TIGD7: variants seen among roughly 807,000 people sequenced by gnomAD.
The protein encoded by TIGD7 is tigger transposable element derived 7, also known as tigger transposable element-derived protein 7.
A neutral mutation model predicts 24.8 loss-of-function variants in TIGD7; 26 were observed. The ratio of observed to expected loss-of-function variants is 1.05; its 90% CI spans 0.77 to 1.45. The LOEUF (loss-of-function observed/expected upper bound fraction) is 1.45, where lower values mean the gene tolerates loss of function less well. Ranked by LOEUF, TIGD7 falls within the 40% of genes most tolerant of loss-of-function variation. The pLI is 0.00. For missense variants in TIGD7, 679 were observed against 641.6 expected, an observed-to-expected ratio of 1.06 and a Z score of -0.63; for synonymous variants, 221 against 224.1, an observed-to-expected ratio of 0.99 and a Z score of 0.12.
In TIGD7 at chr16:3,300,735, C is replaced by A; in HGVS notation, c.-121G>T. On this transcript the variant is annotated 5_prime_UTR_variant, in exon 2 of 2. An upstream start codon of the reference 5' UTR is lost. Transcript: ENST00000396862. ...AGCTGAAAGCCCCAGAAGGCATGGG[C>A]ATTGTATTGGAGGATAATGGACTGA... 1 of 1,447,438 alleles carries A rather than the reference C, an allele frequency of 6.9e-7. No homozygotes were observed. 89.7% of individuals were successfully genotyped at this position (1,447,438 alleles called of 1,614,324 possible).
chr16:3,303,376 T>G (rs913136526), intron 1 of TIGD7, among the ~76,000 whole-genome samples: 1 of 152,218 alleles, frequency 6.6e-6, no homozygotes, highest in African/African-American at 2.4e-5. Context: ...GTCAATGATA[T>G]CCAAGGGCAC....
chr16:3,300,787 G>T lies in TIGD7; in HGVS notation c.-173C>A. The T allele has an allele frequency of 1.7e-6, 2 of 1,161,476 alleles. No homozygotes were observed. Among genetic ancestry groups the T allele is most frequent in the East Asian group, 2.8e-5 (1 of 35,958 alleles). The allele number at this position is 1,161,476 out of a possible 1,614,324, so 71.9% of individuals were successfully genotyped here. On this transcript the variant is annotated 5_prime_UTR_variant, in exon 2 of 2. Transcript: ENST00000396862. ...GGGGCTAACCATGACTGAAGAGCTA[G>T]TCTAGAGGTGGAGGTCTTATGCACT...
Position 3,299,175 on chromosome 16 carries a change from T to TA in TIGD7, c.1439dup (p.Arg481LysfsTer9). Reference sequence around the variant, plus strand: ...CAAGAAGGTAGTCCAAACTCTCTCTTACAGCAGATAATTTAAATTCAGCAG... The same window carrying TA: ...CAAGAAGGTAGTCCAAACTCTCTCTTAACAGCAGATAATTTAAATTCAGCAG... On this transcript the variant is annotated frameshift_variant, in exon 2 of 2. Coordinates refer to ENST00000396862, the MANE Select transcript of TIGD7 (RefSeq NM_033208.4). LOFTEE classifies it high-confidence loss of function. 6.3e-7 allele frequency: 1 copy of TA among 1,586,678 alleles called. No individual in the cohort carries two copies. The highest frequency in any genetic ancestry group is 8.6e-7 in the Non-Finnish European group (1 of 1,169,206).
At position 3,300,480 on chromosome 16, in the gene TIGD7, A is replaced by C; in HGVS notation, c.135T>G (p.Ile45Met). The C allele has an allele frequency of 6.2e-7, 1 of 1,613,956 alleles. No individual in the cohort carries two copies. Among genetic ancestry groups the C allele is most frequent in the Non-Finnish European group, 8.5e-7 (1 of 1,179,960 alleles). ...CCAGAATTAACTTCTTATTTTTTTT[A>C]ATGTCATAAAATGTTGACTTACTGA... ...FGISKSTFYD[I>M]KKNKKLILDF... Residue 45 changes from isoleucine to methionine, a missense_variant, in exon 2 of 2, where the codon ATT becomes ATG. Transcript: ENST00000396862.
Position 3,300,171 on chromosome 16 carries a change from TGAACTTA to T in TIGD7, c.437_443del (p.Leu146GlnfsTer15). 6.2e-7 allele frequency: 1 copy of T among 1,614,254 alleles called. No homozygotes were observed. The highest frequency in any genetic ancestry group is 8.5e-7 in the Non-Finnish European group (1 of 1,180,046). On this transcript the variant is annotated frameshift_variant, in exon 2 of 2. Coordinates refer to ENST00000396862, the MANE Select transcript of TIGD7 (RefSeq NM_033208.4). LOFTEE classifies it high-confidence loss of function. ...GAAATGGCTCAACATTTTCAGAAACTGAACTTAGGACTTGTTCCCCACATCCTTTTCG... is the reference window on the plus strand; with the variant it reads ...GAAATGGCTCAACATTTTCAGAAACTGGACTTGTTCCCCACATCCTTTTCG...
chr16:3,303,592 A>C lies in TIGD7; in HGVS notation c.-1395-1583T>G, dbSNP rs189375487. 3.0e-3 allele frequency among the ~76,000 whole-genome samples: 452 copies of C among 152,310 alleles called. 2 individuals are homozygous for C. The highest frequency in any genetic ancestry group is 0.01 in the African/African-American group (427 of 41,562). ...AATGAACCTACTTAGACACAAATTC[A>C]AGTGACTTAGGCAGATGCTCATTAT... On this transcript the variant is annotated intron_variant, in intron 1 of 1. Transcript: ENST00000396862.
At chr16:3,304,264 C>T (rs1960043970) in intron 1 of TIGD7, among the ~76,000 whole-genome samples, 1 of 152,208 alleles carries the variant, frequency 6.6e-6, no homozygotes, top group African/African-American at 2.4e-5. Context: ...TAAAAACGTA[C>T]CTAAGATCTC....
rs1959890461 is a variant in TIGD7, at chr16:3,300,029, T to C, written c.586A>G (p.Lys196Glu). The C allele has an allele frequency of 6.2e-7, 1 of 1,614,196 alleles. No individual in the cohort carries two copies. The highest frequency in any genetic ancestry group is 2.2e-5 in the East Asian group (1 of 44,888). The change falls in exon 2 of 2, where the codon AAA becomes GAA. Residue 196 changes from lysine to glutamate, a missense_variant. Coordinates refer to ENST00000396862, the MANE Select transcript of TIGD7 (RefSeq NM_033208.4). Reference sequence around the variant, plus strand: ...TTCTTCCCTGGTAGGCAGATATCTTTCCTACTTGCCTGAGAATTTTCTGGC... The same window carrying C: ...TTCTTCCCTGGTAGGCAGATATCTTCCCTACTTGCCTGAGAATTTTCTGGC... The part of the protein sequence containing the change: ...SMPENSQASR[K>E]DICLPGKKIN...
Position 3,299,873 on chromosome 16 carries a change from T to C in TIGD7, c.742A>G (p.Ile248Val). Reference sequence around the variant, plus strand: ...CAAACATCTTTACTGGGTTTATATATCACAGGCAATGTACTTGTGTCCTCT... The same window carrying C: ...CAAACATCTTTACTGGGTTTATATACCACAGGCAATGTACTTGTGTCCTCT... ...VKEDTSTLPV[I>V]YKPSKDVWFT... The change falls in exon 2 of 2, where the codon ATA becomes GTA. Residue 248 changes from isoleucine (I) to valine (V), a missense_variant. By Grantham distance (29) the Ile-to-Val change is conservative (BLOSUM62 3). Transcript: ENST00000396862. The C allele has an allele frequency of 6.2e-7, 1 of 1,600,444 alleles. No homozygotes were observed. The highest frequency in any genetic ancestry group is 1.3e-5 in the African/African-American group (1 of 74,346).
rs201026387 is a variant in TIGD7 at position 3,299,594 on chromosome 16, G to A, written c.1021C>T (p.Leu341=). ...NQGVILSCKR[L]YRWKQLEESL... is the part of the protein sequence containing the mutation. ...TCTTCAAGTTGCTTCCATCTATACA[G>A]CCGTTTGCAGCTCAAGATCACACCT... Residue 341 remains leucine, a synonymous_variant, in exon 2 of 2, where the codon CTG becomes TTG. Coordinates refer to ENST00000396862, the MANE Select transcript of TIGD7 (RefSeq NM_033208.4). 1.3e-5 allele frequency: 21 copies of A among 1,555,594 alleles called. No homozygotes were observed. Among genetic ancestry groups the A allele is most frequent in the Non-Finnish European group, 1.7e-5 (20 of 1,157,306 alleles).
Position 3,299,314 on chromosome 16 carries a change from A to T in TIGD7, c.1301T>A (p.Leu434Ter). The T allele has an allele frequency of 6.2e-7, 1 of 1,603,136 alleles. No homozygotes were observed. The highest frequency in any genetic ancestry group is 8.5e-7 in the Non-Finnish European group (1 of 1,175,880). ...LEKCGELETK[L>*]DDDRVWLNGD... ...ATTTAACCACACCCTATCATCATCC[A>T]ACTTAGTTTCCAACTCCCCACATTT... Residue 434 changes from leucine (L) to a stop codon, truncating the protein, a stop_gained, in exon 2 of 2, where the codon TTG (leucine) becomes TAG (stop). Coordinates refer to ENST00000396862, the MANE Select transcript of TIGD7 (RefSeq NM_033208.4). LOFTEE classifies it low-confidence loss of function (END_TRUNC).
At position 3,298,937 on chromosome 16, in the gene TIGD7, T is replaced by C. The variant is rs747069192; in HGVS notation, c.*28A>G. On this transcript the variant is annotated 3_prime_UTR_variant, in exon 2 of 2. Transcript: ENST00000396862. The stretch of plus-strand genomic sequence containing the variant: ...CAATTCACAGCTGGCCTACATCATA[T>C]AATGGCAGAAATCTTTAAACACAAA... The C allele has an allele frequency of 2.9e-6, 3 of 1,027,400 alleles. No homozygotes were observed. In the Admixed American group the frequency reaches 9.2e-5, roughly 32 times the overall value. 63.6% of individuals were successfully genotyped at this position (1,027,400 alleles called of 1,614,324 possible). A position where few individuals can be genotyped will look rare whatever the true frequency, so the allele number is the denominator to read the frequency against.
Position 3,300,507 on chromosome 16 carries a change from T to A in TIGD7, c.108A>T (p.Gly36=). Residue 36 remains glycine, a synonymous_variant, in exon 2 of 2, where the codon GGA becomes GGT. Coordinates refer to ENST00000396862, the MANE Select transcript of TIGD7 (RefSeq NM_033208.4). ...TGTCATAAAATGTTGACTTACTGAT[T>A]CCAAATTCATCCATTACACTTTTAA... is the stretch of plus-strand genomic sequence containing the variant. The part of the protein sequence containing the change: ...RSLKSVMDEF[G]ISKSTFYDIK... 1 of 1,614,128 alleles carries A rather than the reference T, an allele frequency of 6.2e-7. No individual in the cohort carries two copies. Among genetic ancestry groups the A allele is most frequent in the Admixed American group, 1.7e-5 (1 of 60,012 alleles).
In TIGD7 at chr16:3,300,289, C is replaced by G. The variant is rs144795499; in HGVS notation, c.326G>C (p.Arg109Thr). ...TGTTCGCCCAAAACACCGTGCAAAT[C>G]TCTCTGCAGCAGCCTGAAGCTCCAC... ...RGVELQAAAERFARCFGRTDF... is the reference protein window; with the variant it reads ...RGVELQAAAETFARCFGRTDF... Residue 109 changes from arginine to threonine, a missense_variant, in exon 2 of 2, where the codon AGA (arginine) becomes ACA (threonine). Physicochemically the swap from Arg to Thr is moderately conservative, Grantham distance 71. Transcript: ENST00000396862. 6.2e-7 allele frequency: 1 copy of G among 1,614,116 alleles called. No homozygotes were observed. The highest frequency in any genetic ancestry group is 8.5e-7 in the Non-Finnish European group (1 of 1,180,054).
chr16:3,304,455 C>T (rs1389852420), intron 1 of TIGD7, among the ~76,000 whole-genome samples: 1 of 152,208 alleles, frequency 6.6e-6, no homozygotes, highest in East Asian at 1.9e-4. Flanking sequence ...TATTCTTACC[C>T]TTGTGTTACT....
chr16:3,300,093 T>G lies in TIGD7; in HGVS notation c.522A>C (p.Leu174=), dbSNP rs1403738066. The G allele has an allele frequency of 6.2e-7, 1 of 1,614,108 alleles. No individual in the cohort carries two copies. Among genetic ancestry groups the G allele is most frequent in the Admixed American group, 1.7e-5 (1 of 59,992 alleles). The stretch of plus-strand genomic sequence containing the variant: ...AGAGGTCTGTTTCATCCCCACTGTA[T>G]AGCTGAGCTAGACACAGTTTCTCCT... ...IKEEKLCLAQ[L]YSGDETDLFW... Residue 174 remains leucine, a synonymous_variant, in exon 2 of 2, where the codon CTA becomes CTC. Transcript: ENST00000396862.
In TIGD7 at chr16:3,299,242, G is replaced by T; in HGVS notation, c.1373C>A (p.Thr458Lys). ...TCCTCCTTTTTGAACAACTTCCTTT[G>T]TTATTCCACCTTTGGTTTTTAGGAG... ...GCLLKTKGGI[T>K]KEVVQKGGEA... Residue 458 changes from threonine to lysine, a missense_variant, in exon 2 of 2, where the codon ACA becomes AAA. Thr to Lys is a moderately conservative substitution (Grantham distance 78, BLOSUM62 -1). Transcript: ENST00000396862. 6.2e-7 allele frequency: 1 copy of T among 1,610,662 alleles called. No homozygotes were observed. Among genetic ancestry groups the T allele is most frequent in the Non-Finnish European group, 8.5e-7 (1 of 1,178,978 alleles).
Position 3,299,139 on chromosome 16 carries a change from A to C in TIGD7, c.1476T>G (p.Asp492Glu). 2.7e-6 allele frequency: 4 copies of C among 1,495,286 alleles called. No homozygotes were observed. The highest frequency in any genetic ancestry group is 3.6e-6 in the Non-Finnish European group (4 of 1,125,732). 92.6% of individuals were successfully genotyped at this position (1,495,286 alleles called of 1,614,324 possible). A position where few individuals can be genotyped will look rare whatever the true frequency, so the allele number is the denominator to read the frequency against. The change falls in exon 2 of 2, where the codon GAT (aspartate) becomes GAG (glutamate). Residue 492 changes from aspartate to glutamate, a missense_variant. Physicochemically the swap from Asp to Glu is conservative, Grantham distance 45 (BLOSUM62 2). Transcript: ENST00000396862. ...GGAATCTCTGAAACTCAGGTGTGGC[A>C]TCAACAAAGTCAAGAAGGTAGTCCA... The part of the protein sequence containing the change: ...ESLDYLLDFV[D>E]ATPEFQRFHF...
At position 3,300,786 on chromosome 16, in the gene TIGD7, A is replaced by C; in HGVS notation, c.-172T>G. The C allele has an allele frequency of 1.7e-6, 2 of 1,173,668 alleles. No homozygotes were observed. The highest frequency in any genetic ancestry group is 2.3e-6 in the Non-Finnish European group (2 of 868,754). 72.7% of individuals were successfully genotyped at this position (1,173,668 alleles called of 1,614,324 possible). ...AGGGGCTAACCATGACTGAAGAGCT[A>C]GTCTAGAGGTGGAGGTCTTATGCAC... On this transcript the variant is annotated 5_prime_UTR_variant, in exon 2 of 2. An upstream open reading frame in the 5' UTR loses its in-frame stop. Transcript: ENST00000396862.
Sources: allele counts gnomAD v4.1 joint callset (sites outside exome capture counted in the v4.1 genomes callset), GRCh38; gene constraint gnomAD v4.1.1; transcripts MANE v1.5; gene names NCBI Gene and HGNC (gene_info 2026-07-23, HGNC 2026-07-21).